Variants in CYRIA observed in about 807,000 individuals in gnomAD.
CYRIA encodes CYFIP related Rac1 interactor A.
Under a neutral mutation model 43.9 loss-of-function variants are expected in CYRIA, and 15 were observed. The observed-to-expected ratio is 0.34, with a 90% CI of 0.23 to 0.53. The LOEUF (loss-of-function observed/expected upper bound fraction) is 0.53, where lower values mean the gene tolerates loss of function less well. Ranked by LOEUF, CYRIA falls within the 20% of genes least tolerant of loss-of-function variation. The probability of loss-of-function intolerance (pLI) is 0.94; values close to 1 mark genes in which losing one functional copy is unlikely to be tolerated. For synonymous variants in CYRIA, 117 were observed against 136.0 expected (o/e 0.86, Z 0.97); for missense variants, 236 against 394.2 (o/e 0.60, Z 3.40).
At chr2:16,558,029 A>C (rs1666588923) in intron 10 of CYRIA, among the ~76,000 whole-genome samples, 1 of 152,184 alleles carries the variant, frequency 6.6e-6, no homozygotes, top group Non-Finnish European at 1.5e-5. Context: ...AATATGTTTC[A>C]AAATAGCACG....
intron 3 of CYRIA, among the ~76,000 whole-genome samples, chr2:16,575,350 C>T (rs1208174139): frequency 1.3e-5 from 2 of 152,092 alleles, no homozygotes; most frequent in Non-Finnish European, 2.9e-5. Flanking sequence ...GTTGGTAAGG[C>T]ATGACTGATT....
In CYRIA at chr2:16,551,078, C is replaced by A. The variant is rs1195052836; in HGVS notation, c.*1858G>T. The A allele has an allele frequency of 2.6e-5, 4 of 152,124 alleles. No individual in the cohort carries two copies. The highest frequency in any genetic ancestry group is 5.9e-5 in the Non-Finnish European group (4 of 68,010). The allele number at this position is 152,124 out of a possible 1,614,324, so 9.4% of individuals were successfully genotyped here. A position where few individuals can be genotyped will look rare whatever the true frequency, so the allele number is the denominator to read the frequency against. ...CATCCAAGCAGCTGTACTTTTTCAA[C>A]TTGAAAATCTCCAAGGAAAAGAGCC... On this transcript the variant is annotated 3_prime_UTR_variant, in exon 12 of 12. Coordinates refer to ENST00000381323, the MANE Select transcript of CYRIA (RefSeq NM_030797.4).
intron 1 of CYRIA, among the ~76,000 whole-genome samples, chr2:16,654,321 T>C (rs1670047191): frequency 6.6e-6 from 1 of 152,202 alleles, no homozygotes. Context: ...ACTTTGGGAA[T>C]ACATGGTCAA....
rs1288384740 is a variant in CYRIA, at chr2:16,663,547, G to A, written c.-167+2233C>T. 2.0e-5 allele frequency among the ~76,000 whole-genome samples: 3 copies of A among 151,824 alleles called. No homozygotes were observed. The East Asian group carries it at 5.8e-4, about 29-fold the overall frequency. ...GACAGTGGGTGCCCCTATGGCCCTGGGGAGCTATGAACTCCTTGCCCAGGG... is the reference window on the plus strand; with the variant it reads ...GACAGTGGGTGCCCCTATGGCCCTGAGGAGCTATGAACTCCTTGCCCAGGG... On this transcript the variant is annotated intron_variant, in intron 1 of 11. Coordinates refer to ENST00000381323, the MANE Select transcript of CYRIA (RefSeq NM_030797.4).
At chr2:16,610,897 CATATATATATATATATATATAT>C (rs60848949) in intron 2 of CYRIA, among the ~76,000 whole-genome samples, 1,382 of 92,602 alleles carry the variant, frequency 0.015, 65 homozygotes, top group African/African-American at 0.018. Flanking sequence ...TTAGTCCCAA[CATATATATATATATATATATAT>C]ATATATATAT....
At chr2:16,635,568 G>A (rs1010146576) in intron 1 of CYRIA, among the ~76,000 whole-genome samples, 1 of 152,184 alleles carries the variant, frequency 6.6e-6, no homozygotes, top group Non-Finnish European at 1.5e-5. Flanking sequence ...ACTCCAGTGT[G>A]TGTGCATCCC....
intron 2 of CYRIA, among the ~76,000 whole-genome samples, chr2:16,598,422 T>C (rs1449885352): frequency 1.3e-5 from 1 of 75,664 alleles, no homozygotes; most frequent in Non-Finnish European, 2.3e-5. Flanking sequence ...TTGGAGGCTT[T>C]GCTCATTTCT....
intron 1 of CYRIA, among the ~76,000 whole-genome samples, chr2:16,627,764 T>G (rs1669215212): frequency 6.6e-6 from 1 of 152,210 alleles, no homozygotes; most frequent in South Asian, 2.1e-4. Context: ...TGACAGCTGC[T>G]GTGCAGGCAG....
chr2:16,584,900 A>T (rs1161698888), intron 3 of CYRIA, among the ~76,000 whole-genome samples: 2 of 152,276 alleles, frequency 1.3e-5, no homozygotes, highest in African/African-American at 4.8e-5. Flanking sequence ...TCCCAAAACT[A>T]GATGTATGCT....
intron 1 of CYRIA, among the ~76,000 whole-genome samples, chr2:16,631,741 A>C (rs1255904123): frequency 6.6e-6 from 1 of 152,218 alleles, no homozygotes; most frequent in East Asian, 1.9e-4. Context: ...GAGTGAGGCC[A>C]AGCTGACCTT....
At chr2:16,614,285 G>A (rs17643147) in intron 2 of CYRIA, among the ~76,000 whole-genome samples, 39,743 of 152,192 alleles carry the variant, frequency 0.26, 6,920 homozygotes, top group Non-Finnish European at 0.38. Context: ...GTCCCTGCAG[G>A]AAATCTGCAA....
At chr2:16,573,901 T>C (rs1183084135) in intron 3 of CYRIA, among the ~76,000 whole-genome samples, 1 of 152,136 alleles carries the variant, frequency 6.6e-6, no homozygotes, top group Non-Finnish European at 1.5e-5. Context: ...ATACGGTAAA[T>C]TGGTACCAGT....
rs993604755 is a variant in CYRIA at position 16,550,657 on chromosome 2, A to G, written c.*2279T>C. The G allele has an allele frequency of 2.0e-5, 3 of 152,146 alleles. No individual in the cohort carries two copies. The highest frequency in any genetic ancestry group is 4.4e-5 in the Non-Finnish European group (3 of 68,018). The allele number at this position is 152,146 out of a possible 1,614,324, so 9.4% of individuals were successfully genotyped here. ...TGCTCATCTATTTACTCTGAGCTCA[A>G]TCTAATTTGACAGGTAATTCCTCAC... On this transcript the variant is annotated 3_prime_UTR_variant, in exon 12 of 12. Transcript: ENST00000381323.
chr2:16,633,149 T>C (rs1251067573), intron 1 of CYRIA, among the ~76,000 whole-genome samples: 1 of 152,226 alleles, frequency 6.6e-6, no homozygotes, highest in East Asian at 1.9e-4. Flanking sequence ...CCATCCTTTA[T>C]GTTAACTCCC....
intron 1 of CYRIA, among the ~76,000 whole-genome samples, chr2:16,643,152 AT>A (rs112994273): frequency 0.04 from 6,037 of 152,058 alleles, 398 homozygotes; most frequent in African/African-American, 0.13. Context: ...TAGTATCTAC[AT>A]TTTTTCCTTA....
At chr2:16,557,395 A>C (rs2103404227) in intron 10 of CYRIA, among the ~76,000 whole-genome samples, 1 of 151,130 alleles carries the variant, frequency 6.6e-6, no homozygotes. Context: ...TTGTAAGTAC[A>C]CACACAGTGC....
chr2:16,581,887 G>A (rs537438056), intron 3 of CYRIA, among the ~76,000 whole-genome samples: 20 of 152,190 alleles, frequency 1.3e-4, no homozygotes, highest in African/African-American at 2.9e-4. Flanking sequence ...ATTGATACAT[G>A]TAATGACATG....
rs528430967 is a variant in CYRIA at position 16,566,551 on chromosome 2, C to T, written c.71-784G>A. Among the ~76,000 whole-genome samples, 7 of 152,270 alleles carry T rather than the reference C, an allele frequency of 4.6e-5. 1 individual carries two copies. Among genetic ancestry groups the T allele is most frequent in the South Asian group, 2.1e-4 (1 of 4,826 alleles). Reference sequence around the variant, plus strand: ...TCATGTTCAGGAGGTTTGGCAAAGACGTGCAGGGAGTTCATGTTAAAGACA... The same window carrying T: ...TCATGTTCAGGAGGTTTGGCAAAGATGTGCAGGGAGTTCATGTTAAAGACA... On this transcript the variant is annotated intron_variant, in intron 3 of 11. Transcript: ENST00000381323.
chr2:16,579,404 A>G (rs1372751906), intron 3 of CYRIA, among the ~76,000 whole-genome samples: 1 of 145,382 alleles, frequency 6.9e-6, no homozygotes, highest in African/African-American at 2.7e-5. Flanking sequence ...GGCCTTATTA[A>G]AATCACATGC....
Sources: gnomAD v4.1 joint callset for allele counts (sites outside exome capture counted in the v4.1 genomes callset) on GRCh38, gnomAD v4.1.1 for gene constraint, MANE v1.5 for transcripts, NCBI Gene and HGNC (gene_info 2026-07-23, HGNC 2026-07-21) for gene names.